The following INPP5A variants were observed in gnomAD, a reference collection of about 807,000 sequenced individuals.
The protein encoded by INPP5A is 43 kDa inositol polyphosphate 5-phophatase.
Under a neutral mutation model 65.2 loss-of-function variants are expected in INPP5A, and 14 were observed. The observed-to-expected ratio is 0.21, with a 90% CI of 0.14 to 0.34. The LOEUF (loss-of-function observed/expected upper bound fraction) is 0.34. Ranked by LOEUF, INPP5A falls within the 10% of genes least tolerant of loss-of-function variation. INPP5A has a pLI of 1.00. For missense variants in INPP5A, 431 were observed against 545.6 expected (o/e 0.79, Z 2.09); for synonymous variants, 207 against 208.3 (o/e 0.99, Z 0.05).
At chr10:132,564,497 T>G (rs2071248787) in intron 1 of INPP5A, among the ~76,000 whole-genome samples, 1 of 152,006 alleles carries the variant, frequency 6.6e-6, no homozygotes, top group Non-Finnish European at 1.5e-5. Flanking sequence ...CTCCTCCTCC[T>G]CAGAGTCACC....
chr10:132,575,225 T>C lies in INPP5A; in HGVS notation c.76-32690T>C, dbSNP rs2071399802. ...CTGGACACATCGCAACCCTGACCTGTGTGCTGAAGGGCGGCCGCCTGATGT... is the reference window on the plus strand; with the variant it reads ...CTGGACACATCGCAACCCTGACCTGCGTGCTGAAGGGCGGCCGCCTGATGT... On this transcript the variant is annotated intron_variant, in intron 1 of 15. Coordinates refer to ENST00000368594, the MANE Select transcript of INPP5A (RefSeq NM_005539.5). The surrounding 1 kb of genome is among the most constrained non-coding windows in gnomAD (Gnocchi z 5.4). 6.6e-6 allele frequency among the ~76,000 whole-genome samples: 1 copy of C among 152,206 alleles called. No individual in the cohort carries two copies. The highest frequency in any genetic ancestry group is 1.5e-5 in the Non-Finnish European group (1 of 68,028).
intron 1 of INPP5A, among the ~76,000 whole-genome samples, chr10:132,602,748 C>T (rs913556331): frequency 6.6e-6 from 1 of 152,194 alleles, no homozygotes; most frequent in Admixed American, 6.5e-5. Context: ...CCTACCAGTG[C>T]AGTGTTGAAT....
At chr10:132,756,372 G>T (rs993091741) in intron 11 of INPP5A, among the ~76,000 whole-genome samples, 1 of 144,698 alleles carries the variant, frequency 6.9e-6, no homozygotes, top group Non-Finnish European at 1.6e-5. Flanking sequence ...GTGTGCACTC[G>T]TGTGTGTGTA....
At chr10:132,691,459 G>A (rs753611114) in intron 5 of INPP5A, among the ~76,000 whole-genome samples, 7 of 152,256 alleles carry the variant, frequency 4.6e-5, no homozygotes, top group African/African-American at 9.6e-5. Context: ...GAGAGAGCGC[G>A]CCGACGCAGC....
intron 9 of INPP5A, among the ~76,000 whole-genome samples, chr10:132,739,435 GT>G (rs1846235473): frequency 6.6e-6 from 1 of 152,210 alleles, no homozygotes; most frequent in African/African-American, 2.4e-5. Flanking sequence ...CGGGAAGGTG[GT>G]TTACTCATCC....
intron 1 of INPP5A, among the ~76,000 whole-genome samples, chr10:132,583,950 G>A (rs1188793355): frequency 1.3e-5 from 2 of 152,192 alleles, no homozygotes; most frequent in African/African-American, 4.8e-5. Flanking sequence ...AGTTGCAGTG[G>A]TGTGTGCTTG....
chr10:132,716,926 T>C lies in INPP5A; in HGVS notation c.647+6470T>C, dbSNP rs1416389963. Among the ~76,000 whole-genome samples, 5 of 152,294 alleles carry C rather than the reference T, an allele frequency of 3.3e-5. No individual in the cohort carries two copies. The East Asian group carries it at 9.7e-4, about 29-fold the overall frequency. On this transcript the variant is annotated intron_variant, in intron 8 of 15. Coordinates refer to ENST00000368594, the MANE Select transcript of INPP5A (RefSeq NM_005539.5). ...TGCCCGAGAGCACTTGATGTGGGGA[T>C]GGACTCATCGAAGGGAGTGTGGGCT...
intron 8 of INPP5A, among the ~76,000 whole-genome samples, chr10:132,724,219 G>T (rs951637035): frequency 3.9e-5 from 6 of 152,198 alleles, no homozygotes; most frequent in Non-Finnish European, 8.8e-5. Flanking sequence ...AACCCGTGCC[G>T]CTGGGAATGT....
Position 132,538,379 on chromosome 10 carries a change from C to G in INPP5A, c.75+208C>G, listed in dbSNP as rs1309455743. Reference sequence around the variant, plus strand: ...CCTGTCTTGATCCCCAAGCCCGAGACCTGAAGACCTGGGCCCTGAATCCCC... The same window carrying G: ...CCTGTCTTGATCCCCAAGCCCGAGAGCTGAAGACCTGGGCCCTGAATCCCC... On this transcript the variant is annotated intron_variant, in intron 1 of 15. Coordinates refer to ENST00000368594, the MANE Select transcript of INPP5A (RefSeq NM_005539.5). The surrounding 1 kb of genome is among the most constrained non-coding windows in gnomAD (Gnocchi z 4.1). Among the ~76,000 whole-genome samples the G allele has an allele frequency of 1.3e-5, 2 of 152,154 alleles. No individual in the cohort carries two copies. Among genetic ancestry groups the G allele is most frequent in the East Asian group, 3.8e-4 (2 of 5,198 alleles).
chr10:132,594,375 G>T (rs1050230510), intron 1 of INPP5A, among the ~76,000 whole-genome samples: 1 of 152,218 alleles, frequency 6.6e-6, no homozygotes, highest in African/African-American at 2.4e-5. Flanking sequence ...ACTGCGGAAC[G>T]TACTGAGACT....
chr10:132,688,652 T>C (rs545252897), intron 4 of INPP5A, among the ~76,000 whole-genome samples: 39 of 150,218 alleles, frequency 2.6e-4, no homozygotes, highest in Admixed American at 4.6e-4. Flanking sequence ...TGAGTGTGTG[T>C]GCAAGTGAGT....
rs2072557376 is a variant in INPP5A, at chr10:132,650,326, G to A, written c.219-92G>A. On this transcript the variant is annotated intron_variant, in intron 3 of 15. Coordinates refer to ENST00000368594, the MANE Select transcript of INPP5A (RefSeq NM_005539.5). This position sits in a 1 kb window ranked among gnomAD's most constrained non-coding sequence, Gnocchi z 5.5. ...GATGGTCTCACGGTGATGTACCTAT[G>A]TGCTGGAGCCCCTCTTATACCTTGT... The A allele has an allele frequency of 1.2e-6, 1 of 828,708 alleles. No homozygotes were observed. Among genetic ancestry groups the A allele is most frequent in the African/African-American group, 1.7e-5 (1 of 59,742 alleles). The allele number at this position is 828,708 out of a possible 1,614,324, so 51.3% of individuals were successfully genotyped here. A position where few individuals can be genotyped will look rare whatever the true frequency, so the allele number is the denominator to read the frequency against.
In INPP5A at chr10:132,727,898, C is replaced by T. The variant is rs767166597; in HGVS notation, c.732+993C>T. 2.0e-5 allele frequency among the ~76,000 whole-genome samples: 3 copies of T among 152,154 alleles called. No individual in the cohort carries two copies. Among genetic ancestry groups the T allele is most frequent in the South Asian group, 2.1e-4 (1 of 4,822 alleles). ...CACGGTGAGTCGAACGGGGACATGG[C>T]GGTCCCCGAGACTGTTATCTTCCCA... is the stretch of plus-strand genomic sequence containing the variant. On this transcript the variant is annotated intron_variant, in intron 9 of 15. Coordinates refer to ENST00000368594, the MANE Select transcript of INPP5A (RefSeq NM_005539.5). The surrounding 1 kb of genome is among the most constrained non-coding windows in gnomAD (Gnocchi z 6.5).
At chr10:132,699,367 G>T (rs567293919) in intron 6 of INPP5A, among the ~76,000 whole-genome samples, 1 of 150,200 alleles carries the variant, frequency 6.7e-6, no homozygotes, top group Admixed American at 6.6e-5. Flanking sequence ...TGGGGTGGGG[G>T]GGGGCTGGGC....
chr10:132,578,418 G>A (rs1434299569), intron 1 of INPP5A, among the ~76,000 whole-genome samples: 2 of 152,060 alleles, frequency 1.3e-5, no homozygotes, highest in East Asian at 1.9e-4. Flanking sequence ...TCTGCATGCC[G>A]CCCCCGTGCC....
At chr10:132,652,894 A>G (rs370095626) in intron 4 of INPP5A, among the ~76,000 whole-genome samples, 62 of 152,282 alleles carry the variant, frequency 4.1e-4, no homozygotes, top group African/African-American at 1.4e-3. Flanking sequence ...CGCCCCTAAT[A>G]TCAGAGCTCA....
intron 14 of INPP5A, among the ~76,000 whole-genome samples, chr10:132,781,224 T>C (rs1479193310): frequency 6.6e-6 from 1 of 152,170 alleles, no homozygotes; most frequent in Non-Finnish European, 1.5e-5. Flanking sequence ...CCACAGCTGA[T>C]TGTTTCTGAA....
rs180970078 is a variant in INPP5A at position 132,547,828 on chromosome 10, T to A, written c.75+9657T>A. Among the ~76,000 whole-genome samples the A allele has an allele frequency of 9.7e-4, 147 of 152,244 alleles. No individual in the cohort carries two copies. Among genetic ancestry groups the A allele is most frequent in the African/African-American group, 3.3e-3 (139 of 41,562 alleles). On this transcript the variant is annotated intron_variant, in intron 1 of 15. Coordinates refer to ENST00000368594, the MANE Select transcript of INPP5A (RefSeq NM_005539.5). The surrounding 1 kb of genome is among the most constrained non-coding windows in gnomAD (Gnocchi z 5.5). ...GCTCCCTTCCTGTCATACTGTGCTTTACCGTGACTGTGGCGTCACACTCAG... is the reference window on the plus strand; with the variant it reads ...GCTCCCTTCCTGTCATACTGTGCTTAACCGTGACTGTGGCGTCACACTCAG...
chr10:132,672,811 G>A (rs2072909629), intron 4 of INPP5A, among the ~76,000 whole-genome samples: 3 of 151,972 alleles, frequency 2.0e-5, no homozygotes, highest in Admixed American at 6.6e-5. Context: ...CGCCTTCCAC[G>A]CCCCACCCCA....
Sources: gnomAD v4.1 joint callset for allele counts (sites outside exome capture counted in the v4.1 genomes callset) on GRCh38, gnomAD v4.1.1 for gene constraint, Gnocchi (gnomAD v3.1) non-coding constraint, MANE v1.5 for transcripts, NCBI Gene and HGNC (gene_info 2026-07-23, HGNC 2026-07-21) for gene names.